The following BDP1 variants were observed in gnomAD, a reference collection of about 807,000 sequenced individuals.
The protein encoded by BDP1 is BDP1 general transcription factor IIIB subunit, also known as transcription factor TFIIIB component B'' homolog.
Under a neutral mutation model 266.6 loss-of-function variants are expected in BDP1, and 169 were observed. The observed-to-expected ratio is 0.63, with a 90% CI of 0.56 to 0.72. The LOEUF (loss-of-function observed/expected upper bound fraction) is 0.72. Among genes scored for constraint, BDP1 ranks in the 30% least tolerant of loss-of-function variants. The pLI is 0.00. For synonymous variants in BDP1, 1,090 were observed against 1,022.4 expected, an observed-to-expected ratio of 1.07 and a Z score of -1.26; for missense variants, 3,015 against 3,053.8, an observed-to-expected ratio of 0.99 and a Z score of 0.30.
At chr5:71,508,104 A>G (rs967338222) in intron 16 of BDP1, among the ~76,000 whole-genome samples, 19 of 151,456 alleles carry the variant, frequency 1.3e-4, no homozygotes, top group African/African-American at 1.7e-4. Context: ...AGCTGAGATT[A>G]CAGGCGCGTG....
intron 25 of BDP1, among the ~76,000 whole-genome samples, chr5:71,525,603 T>C (rs1272591311): frequency 6.4e-5 from 4 of 62,088 alleles, no homozygotes; most frequent in Admixed American, 1.4e-4. Flanking sequence ...CCCCCCAACC[T>C]CCTTCCCGGA....
At chr5:71,533,463 G>A (rs566611817) in intron 26 of BDP1, among the ~76,000 whole-genome samples, 1 of 145,850 alleles carries the variant, frequency 6.9e-6, no homozygotes, top group African/African-American at 2.5e-5. Context: ...TTTTTTGTTC[G>A]GTGGATTTTT....
At chr5:71,539,508 G>C in intron 27 of BDP1, 49 bp from the exon 28 acceptor site, 1 of 1,457,214 alleles carries the variant, frequency 6.9e-7, no homozygotes, top group South Asian at 1.2e-5. Context: ...TAAGTGAACA[G>C]ATTTCCGGAT....
chr5:71,551,321 A>G (rs1208620732), intron 34 of BDP1, among the ~76,000 whole-genome samples: 4 of 152,064 alleles, frequency 2.6e-5, no homozygotes, highest in African/African-American at 4.8e-5. Flanking sequence ...ACTCTTAACG[A>G]GCATACTGCG....
chr5:71,537,149 C>CAAAAAAAAAAAAAAAAA (rs70992979), intron 26 of BDP1, among the ~76,000 whole-genome samples: 61 of 82,406 alleles, frequency 7.4e-4, no homozygotes, highest in South Asian at 1.6e-3. Flanking sequence ...ACCAAAAAAC[C>CAAAAAAAAAAAAAAAAA]AAAAAAAAAA....
the BDP1 span, among the ~76,000 whole-genome samples, chr5:71,573,640 G>A: frequency 6.6e-6 from 1 of 152,176 alleles, no homozygotes; most frequent in Non-Finnish European, 1.5e-5. Flanking sequence ...GTGCATATCT[G>A]ACGTGGAATT....
intron 37 of BDP1, among the ~76,000 whole-genome samples, chr5:71,561,693 G>T (rs1469348371): frequency 6.6e-6 from 1 of 152,166 alleles, no homozygotes; most frequent in Non-Finnish European, 1.5e-5. Flanking sequence ...GCTGACCACT[G>T]TTCCACAGCT....
chr5:71,513,063 CA>C lies in BDP1; in HGVS notation c.4248-97del, dbSNP rs34252624. On this transcript the variant is annotated intron_variant, in intron 18 of 38. Coordinates refer to ENST00000358731, the MANE Select transcript of BDP1 (RefSeq NM_018429.3). The stretch of plus-strand genomic sequence containing the variant: ...GGGGGATAGAACAAGACCCTGTCTC[CA>C]AAAAAAAAAAAAAAAAAAAAAAAAT... 89,124 of 409,590 alleles carry C rather than the reference CA, an allele frequency of 0.22. 1,431 individuals carry two copies. Among genetic ancestry groups the C allele is most frequent in the Admixed American group, 0.28 (4,484 of 16,122 alleles). 25.4% of individuals were successfully genotyped at this position (409,590 alleles called of 1,614,324 possible). A position where few individuals can be genotyped will look rare whatever the true frequency, so the allele number is the denominator to read the frequency against.
At chr5:71,495,212 G>A in intron 11 of BDP1, 38 bp from the exon 12 acceptor site, 2 of 1,284,400 alleles carry the variant, frequency 1.6e-6, no homozygotes, top group Non-Finnish European at 2.1e-6. Flanking sequence ...TATATCATTA[G>A]GAATTCTTTT....
chr5:71,480,327 G>T (rs958553209), intron 7 of BDP1, among the ~76,000 whole-genome samples: 2 of 140,364 alleles, frequency 1.4e-5, no homozygotes, highest in African/African-American at 5.3e-5. Flanking sequence ...GTAGAGACAG[G>T]GTTTCACCAT....
In BDP1 at chr5:71,471,657, T is replaced by C. The variant is rs1762261618; in HGVS notation, c.1014+1168T>C. On this transcript the variant is annotated intron_variant, in intron 7 of 38. Coordinates refer to ENST00000358731, the MANE Select transcript of BDP1 (RefSeq NM_018429.3). ...GAGCTTTCTCTGTTTTTTAGTTTCTTTGCTTGAGAAACTTTATACAAGTTT... is the reference window on the plus strand; with the variant it reads ...GAGCTTTCTCTGTTTTTTAGTTTCTCTGCTTGAGAAACTTTATACAAGTTT... Among the ~76,000 whole-genome samples the C allele has an allele frequency of 2.0e-5, 3 of 152,232 alleles. No individual in the cohort carries two copies. The South Asian group carries it at 6.2e-4, about 31-fold the overall frequency.
At chr5:71,528,082 A>G (rs1394516342) in intron 25 of BDP1, among the ~76,000 whole-genome samples, 1 of 152,120 alleles carries the variant, frequency 6.6e-6, no homozygotes, top group Non-Finnish European at 1.5e-5. Context: ...GGGCCTCCCA[A>G]AGTGCTGGGA....
At chr5:71,468,518 C>T (rs1762041478) in intron 6 of BDP1, among the ~76,000 whole-genome samples, 1 of 151,104 alleles carries the variant, frequency 6.6e-6, no homozygotes, top group Admixed American at 6.6e-5. Context: ...TTAAGAATTA[C>T]CTTTATAGTC....
chr5:71,551,642 G>T (rs935483350), intron 34 of BDP1, among the ~76,000 whole-genome samples: 5 of 152,196 alleles, frequency 3.3e-5, no homozygotes, highest in African/African-American at 4.8e-5. Context: ...CCCAGACGGG[G>T]TGGTGGCCGG....
At chr5:71,550,207 G>A (rs979439877) in intron 34 of BDP1, among the ~76,000 whole-genome samples, 2 of 152,154 alleles carry the variant, frequency 1.3e-5, no homozygotes, top group African/African-American at 4.8e-5. Flanking sequence ...CCAACATGGC[G>A]AAACTCCATC....
intron 16 of BDP1, among the ~76,000 whole-genome samples, chr5:71,507,152 G>A (rs892784873): frequency 2.6e-5 from 4 of 152,082 alleles, no homozygotes; most frequent in African/African-American, 9.7e-5. Flanking sequence ...TAAACTCCGT[G>A]TTTTAGAAAA....
In BDP1 at chr5:71,564,957, T is replaced by C; in HGVS notation, c.*72T>C. 1 of 1,353,866 alleles carries C rather than the reference T, an allele frequency of 7.4e-7. No individual in the cohort carries two copies. The highest frequency in any genetic ancestry group is 1.4e-5 in the South Asian group (1 of 69,342). The allele number at this position is 1,353,866 out of a possible 1,614,324, so 83.9% of individuals were successfully genotyped here. ...AGAGTCAATTACATCAACAAAACAG[T>C]ATTTAGAGCAAAATATCACTGTCTT... On this transcript the variant is annotated 3_prime_UTR_variant, in exon 39 of 39. Coordinates refer to ENST00000358731, the MANE Select transcript of BDP1 (RefSeq NM_018429.3).
At position 71,532,427 on chromosome 5, in the gene BDP1, T is replaced by C. The variant is rs1269460048; in HGVS notation, c.5892T>C (p.Phe1964=). ...MKQEENLSVP[F]EMTTSEHIQD... is the part of the protein sequence containing the mutation. ...AAGAAGAAAATTTGAGTGTACCGTT[T>C]GTAAGCATCCATTTTAATATGTTTT... Residue 1964 remains phenylalanine, a splice_region_variant and synonymous_variant, in exon 26 of 39, where the codon TTT becomes TTC. Coordinates refer to ENST00000358731, the MANE Select transcript of BDP1 (RefSeq NM_018429.3). 3.7e-6 allele frequency: 6 copies of C among 1,612,880 alleles called. No individual in the cohort carries two copies. Among genetic ancestry groups the C allele is most frequent in the East Asian group, 2.2e-5 (1 of 44,802 alleles).
chr5:71,463,838 A>T (rs1047256635), intron 3 of BDP1, among the ~76,000 whole-genome samples: 2 of 152,024 alleles, frequency 1.3e-5, no homozygotes, highest in Admixed American at 1.3e-4. Flanking sequence ...TTAAAAAAAA[A>T]AAAAAAAAGT....
Sources: allele counts gnomAD v4.1 joint callset (sites outside exome capture counted in the v4.1 genomes callset), GRCh38; gene constraint gnomAD v4.1.1; transcripts MANE v1.5; gene names NCBI Gene and HGNC (gene_info 2026-07-23, HGNC 2026-07-21).